CEP85L: variants seen among roughly 807,000 people sequenced by gnomAD.
CEP85L encodes centrosomal protein 85L, also known as centrosomal protein of 85 kDa-like.
Under a neutral mutation model 100.3 loss-of-function variants are expected in CEP85L, and 60 were observed. The observed-to-expected ratio is 0.60, with a 90% CI of 0.49 to 0.74. CEP85L has a LOEUF of 0.74. Ranked by LOEUF, CEP85L falls within the 30% of genes least tolerant of loss-of-function variation. The probability of loss-of-function intolerance (pLI) is 0.00; values close to 1 mark genes in which losing one functional copy is unlikely to be tolerated. For missense variants in CEP85L, 973 were observed against 936.2 expected (o/e 1.04, Z -0.51); for synonymous variants, 319 against 322.7 (o/e 0.99, Z 0.12).
At position 118,480,507 on chromosome 6, in the gene CEP85L, T is replaced by C. The variant is rs767173173; in HGVS notation, c.1752A>G (p.Gln584=). ...KELVTTVQSL[Q]QKVERCLEDG... The stretch of plus-strand genomic sequence containing the variant: ...CTTCAAGGCATCTTTCTACTTTTTG[T>C]TGCAAACTATTTCAAAAGACAATTA... The change falls in exon 9 of 13, where the codon CAA becomes CAG. Residue 584 remains glutamine (Q), a synonymous_variant. Transcript: ENST00000368491. 6.3e-6 allele frequency: 10 copies of C among 1,595,766 alleles called. No individual in the cohort carries two copies. The East Asian group carries it at 1.8e-4, about 29-fold the overall frequency.
intron 3 of CEP85L, among the ~76,000 whole-genome samples, chr6:118,543,467 G>A (rs1258882916): frequency 6.6e-6 from 1 of 152,110 alleles, no homozygotes; most frequent in Non-Finnish European, 1.5e-5. Flanking sequence ...TATTCATGAA[G>A]TTTATGGCAA....
chr6:118,613,694 T>C (rs1301850227), intron 2 of CEP85L, among the ~76,000 whole-genome samples: 1 of 145,638 alleles, frequency 6.9e-6, no homozygotes, highest in African/African-American at 2.6e-5. Flanking sequence ...GAGTTGGAGG[T>C]TGTGGTGACC....
chr6:118,514,968 C>A (rs1776186793), intron 4 of CEP85L, among the ~76,000 whole-genome samples: 1 of 151,300 alleles, frequency 6.6e-6, no homozygotes, highest in African/African-American at 2.4e-5. Context: ...CTGTGCCCGG[C>A]TAAGTTTTTT....
At chr6:118,475,347 ATTT>A (rs34878583) in intron 10 of CEP85L, among the ~76,000 whole-genome samples, 15 of 79,024 alleles carry the variant, frequency 1.9e-4, no homozygotes, top group East Asian at 8.3e-4. Flanking sequence ...TGTAGGTGAC[ATTT>A]TTTTTTTTTT....
At chr6:118,566,519 G>C (rs1190896957) in intron 2 of CEP85L, among the ~76,000 whole-genome samples, 1 of 152,112 alleles carries the variant, frequency 6.6e-6, no homozygotes, top group Non-Finnish European at 1.5e-5. Flanking sequence ...CTGGGTTCAA[G>C]TGACTCTCCT....
chr6:118,672,963 C>T (rs1305158566), intron 1 of CEP85L, among the ~76,000 whole-genome samples: 1 of 152,008 alleles, frequency 6.6e-6, no homozygotes, highest in Non-Finnish European at 1.5e-5. Context: ...AACTTGGTTT[C>T]CTTGGGTGTA....
intron 2 of CEP85L, among the ~76,000 whole-genome samples, chr6:118,568,604 G>A (rs1779687059): frequency 6.6e-6 from 1 of 152,076 alleles, no homozygotes; most frequent in Non-Finnish European, 1.5e-5. Flanking sequence ...CATGAAATGT[G>A]GTATCACTGA....
chr6:118,488,960 A>G (rs891094393), intron 6 of CEP85L, among the ~76,000 whole-genome samples: 2 of 152,140 alleles, frequency 1.3e-5, no homozygotes, highest in Non-Finnish European at 2.9e-5. Flanking sequence ...TGTAAGAAGA[A>G]GTGTTCTTCA....
chr6:118,632,122 T>C (rs1398178000), intron 2 of CEP85L, among the ~76,000 whole-genome samples: 1 of 151,030 alleles, frequency 6.6e-6, no homozygotes, highest in African/African-American at 2.4e-5. Context: ...CTCAAGTAGC[T>C]GGGACTACAG....
At chr6:118,567,239 GTGTGTGTGTGTATATA>G (rs1485894845) in intron 2 of CEP85L, among the ~76,000 whole-genome samples, 570 of 53,224 alleles carry the variant, frequency 0.011, no homozygotes, top group African/African-American at 0.028. Flanking sequence ...GTGTGTGTGT[GTGTGTGTGTGTATATA>G]TATATATATA....
At chr6:118,489,674 G>T (rs1774420278) in intron 6 of CEP85L, among the ~76,000 whole-genome samples, 2 of 152,124 alleles carry the variant, frequency 1.3e-5, no homozygotes. Flanking sequence ...GGAGAAAGGG[G>T]AACCCTTGAA....
At chr6:118,507,521 A>T (rs1466153842) in intron 5 of CEP85L, among the ~76,000 whole-genome samples, 2 of 152,216 alleles carry the variant, frequency 1.3e-5, no homozygotes, top group Non-Finnish European at 2.9e-5. Context: ...CACAGCAGGC[A>T]TAAACTGGGC....
At chr6:118,562,229 A>G (rs1779265314) in intron 3 of CEP85L, among the ~76,000 whole-genome samples, 1 of 152,232 alleles carries the variant, frequency 6.6e-6, no homozygotes, top group African/African-American at 2.4e-5. Flanking sequence ...AAATAAGAAT[A>G]AAAATAAGAA....
At chr6:118,530,264 C>A (rs935804673) in intron 3 of CEP85L, among the ~76,000 whole-genome samples, 4 of 151,034 alleles carry the variant, frequency 2.6e-5, no homozygotes, top group African/African-American at 9.7e-5. Context: ...TTTTTCACAG[C>A]CTGCAAACTA....
chr6:118,578,164 C>A (rs778512104), intron 2 of CEP85L, among the ~76,000 whole-genome samples: 1 of 152,172 alleles, frequency 6.6e-6, no homozygotes, highest in Non-Finnish European at 1.5e-5. Flanking sequence ...GTAACGAGCA[C>A]TTGTTCCTCA....
At chr6:118,521,283 T>C (rs1228970283) in intron 4 of CEP85L, among the ~76,000 whole-genome samples, 1 of 152,232 alleles carries the variant, frequency 6.6e-6, no homozygotes, top group Non-Finnish European at 1.5e-5. Flanking sequence ...AAATGTTATA[T>C]ATTTGATTCC....
chr6:118,653,467 C>A (rs1333779177), upstream of CEP85L, among the ~76,000 whole-genome samples: 1 of 152,080 alleles, frequency 6.6e-6, no homozygotes, highest in Non-Finnish European at 1.5e-5. Context: ...TAATGCTTCC[C>A]CCCAAATCCA....
chr6:118,555,631 G>A (rs1778816759), intron 3 of CEP85L, among the ~76,000 whole-genome samples: 1 of 152,134 alleles, frequency 6.6e-6, no homozygotes, highest in Non-Finnish European at 1.5e-5. Context: ...TATATGTCAA[G>A]TTTAAGCTGC....
chr6:118,486,749 T>C (rs1366359596), intron 6 of CEP85L, among the ~76,000 whole-genome samples: 6 of 152,198 alleles, frequency 3.9e-5, no homozygotes, highest in Admixed American at 3.3e-4. Context: ...CCACAGAAGC[T>C]ACTCCTCTTC....
Sources: allele counts gnomAD v4.1 joint callset (sites outside exome capture counted in the v4.1 genomes callset), GRCh38; gene constraint gnomAD v4.1.1; transcripts MANE v1.5; gene names NCBI Gene and HGNC (gene_info 2026-07-23, HGNC 2026-07-21).